Variants in AOAH observed in about 807,000 individuals in gnomAD.
AOAH encodes acyloxyacyl hydrolase, also known as acyloxyacyl hydrolase (neutrophil).
A neutral mutation model predicts 92.2 loss-of-function variants in AOAH; 64 were observed. That is an observed-to-expected ratio of 0.69 (90% CI 0.57 to 0.86). The LOEUF (loss-of-function observed/expected upper bound fraction) is 0.86. Ranked by LOEUF, AOAH falls within the 40% of genes least tolerant of loss-of-function variation. The pLI, the probability that AOAH is intolerant of heterozygous loss-of-function variation, is 0.00. For synonymous variants in AOAH, 263 were observed against 254.5 expected, an observed-to-expected ratio of 1.03 and a Z score of -0.32; for missense variants, 656 against 694.6, an observed-to-expected ratio of 0.94 and a Z score of 0.62.
rs565530461 is a variant in AOAH, at chr7:36,528,783, T to G, written c.1522+1635A>C. ...GCTAATAAAAAAAGATGTTTTGTTTTTAGAGATGGGGTCTTGCAATGTTGC... is the reference window on the plus strand; with the variant it reads ...GCTAATAAAAAAAGATGTTTTGTTTGTAGAGATGGGGTCTTGCAATGTTGC... On this transcript the variant is annotated intron_variant, in intron 19 of 20. Transcript: ENST00000617537. 5.6e-4 allele frequency among the ~76,000 whole-genome samples: 85 copies of G among 152,238 alleles called. No individual in the cohort carries two copies. In the South Asian group the frequency reaches 0.017, roughly 31 times the overall value.
At chr7:36,711,757 A>G (rs941615905) in intron 1 of AOAH, among the ~76,000 whole-genome samples, 4 of 152,142 alleles carry the variant, frequency 2.6e-5, no homozygotes, top group Non-Finnish European at 5.9e-5. Context: ...ATGAGGGTGG[A>G]ATGTGTGGTG....
chr7:36,555,261 G>A (rs1277696825), intron 13 of AOAH, among the ~76,000 whole-genome samples: 7 of 151,980 alleles, frequency 4.6e-5, no homozygotes, highest in African/African-American at 1.7e-4. Flanking sequence ...TTTTGTCTTT[G>A]GTTCTGTTTA....
chr7:36,592,147 G>T (rs1789788323), intron 12 of AOAH, among the ~76,000 whole-genome samples: 1 of 152,160 alleles, frequency 6.6e-6, no homozygotes, highest in Non-Finnish European at 1.5e-5. Context: ...TAAAAGCCTT[G>T]ATTGAGAGAA....
rs1302950838 is a variant in AOAH at position 36,637,922 on chromosome 7, A to T, written c.391-12T>A. ...AATTTCCATGTCTCCTATAAAAACAAAGTTAGAGAACATTACAACTCATGT... is the reference window on the plus strand; with the variant it reads ...AATTTCCATGTCTCCTATAAAAACATAGTTAGAGAACATTACAACTCATGT... On this transcript the variant is annotated splice_polypyrimidine_tract_variant and intron_variant, in intron 4 of 20. Coordinates refer to ENST00000617537, the MANE Select transcript of AOAH (RefSeq NM_001637.4). The T allele has an allele frequency of 1.9e-6, 3 of 1,602,712 alleles. No individual in the cohort carries two copies. The African/African-American group carries it at 4.0e-5, about 21-fold the overall frequency.
chr7:36,685,732 A>G (rs931937827), intron 2 of AOAH, among the ~76,000 whole-genome samples: 1 of 152,202 alleles, frequency 6.6e-6, no homozygotes, highest in African/African-American at 2.4e-5. Flanking sequence ...TTTTAACTTC[A>G]CAAAAGAAAG....
chr7:36,690,099 A>G (rs1015573950), intron 1 of AOAH: 10 of 442,476 alleles, frequency 2.3e-5, no homozygotes, highest in African/African-American at 1.4e-4. Flanking sequence ...GTACTTACAC[A>G]TATGGGCTTT....
intron 19 of AOAH, among the ~76,000 whole-genome samples, chr7:36,524,720 C>G (rs1220848273): frequency 6.6e-6 from 1 of 151,344 alleles, no homozygotes; most frequent in African/African-American, 2.4e-5. Flanking sequence ...TAAAATGCAC[C>G]CCAGAGGGCT....
chr7:36,678,550 AGTGTGTGTGTGTGTGTGTGTGT>A lies in AOAH; in HGVS notation c.224-4563_224-4542del, dbSNP rs529261307. On this transcript the variant is annotated intron_variant, in intron 2 of 20. Coordinates refer to ENST00000617537, the MANE Select transcript of AOAH (RefSeq NM_001637.4). The stretch of plus-strand genomic sequence containing the variant: ...TCATCTTCTTTCTGGTAAGATAAGC[AGTGTGTGTGTGTGTGTGTGTGT>A]GTGTGTGTGTGTGTGTGTGTGTGTG... 3.0e-3 allele frequency among the ~76,000 whole-genome samples: 362 copies of A among 118,936 alleles called. 6 individuals carry two copies. The highest frequency in any genetic ancestry group is 8.8e-3 in the African/African-American group (316 of 35,730). 78.0% of individuals were successfully genotyped at this position (118,936 alleles called of 152,430 possible). A position where few individuals can be genotyped will look rare whatever the true frequency, so the allele number is the denominator to read the frequency against.
chr7:36,522,264 G>A, intron 19 of AOAH, 149 bp from the exon 20 acceptor site: 3 of 635,300 alleles, frequency 4.7e-6, no homozygotes, highest in Non-Finnish European at 8.4e-6. Context: ...TGCACTGGGG[G>A]ATTTCTGAAC....
At chr7:36,691,830 T>C (rs1357360905) in intron 1 of AOAH, among the ~76,000 whole-genome samples, 4 of 152,202 alleles carry the variant, frequency 2.6e-5, no homozygotes, top group Non-Finnish European at 5.9e-5. Flanking sequence ...AGATTGTAAC[T>C]GAGTCCTCCA....
chr7:36,517,220 C>CTTTCTTTCTTTCTTTT (rs1562854015), intron 20 of AOAH, among the ~76,000 whole-genome samples: 1 of 54,170 alleles, frequency 1.8e-5, no homozygotes, highest in Non-Finnish European at 4.5e-5. Context: ...CTTTCTCTTT[C>CTTTCTTTCTTTCTTTT]TTTCTGTCTC....
At chr7:36,514,409 G>A (rs1790218008) in intron 20 of AOAH, 3 of 1,295,906 alleles carry the variant, frequency 2.3e-6, no homozygotes, top group Non-Finnish European at 3.2e-6. Context: ...TGAAGTGCCA[G>A]AGAGGAATCC....
chr7:36,692,255 C>T (rs949098441), intron 1 of AOAH, among the ~76,000 whole-genome samples: 7 of 152,206 alleles, frequency 4.6e-5, no homozygotes, highest in African/African-American at 1.7e-4. Flanking sequence ...CTACTAAGGC[C>T]ACCACAGGGA....
Position 36,647,164 on chromosome 7 carries a change from A to G in AOAH, c.391-9254T>C, listed in dbSNP as rs1794275890. On this transcript the variant is annotated intron_variant, in intron 4 of 20. Transcript: ENST00000617537. ...ACAGAAGATGCAGACATTAAATATT[A>G]ATTTTACAATTATCGAATTACAATT... Among the ~76,000 whole-genome samples, 3 of 152,224 alleles carry G rather than the reference A, an allele frequency of 2.0e-5. No individual in the cohort carries two copies. In the South Asian group the frequency reaches 6.2e-4, roughly 32 times the overall value.
chr7:36,616,306 C>A (rs1425125302), intron 11 of AOAH, 74 bp downstream of exon 11: 3 of 1,217,234 alleles, frequency 2.5e-6, no homozygotes, highest in Admixed American at 3.8e-5. Flanking sequence ...AGTTGGCATC[C>A]CATTTAGAGA....
chr7:36,566,969 T>C (rs941456427), intron 13 of AOAH, among the ~76,000 whole-genome samples: 1 of 152,062 alleles, frequency 6.6e-6, no homozygotes, highest in Admixed American at 6.6e-5. Flanking sequence ...CCACCAAGCC[T>C]GTCTAATTTT....
At chr7:36,571,982 T>G (rs544520741) in intron 13 of AOAH, among the ~76,000 whole-genome samples, 2 of 152,328 alleles carry the variant, frequency 1.3e-5, no homozygotes, top group East Asian at 3.9e-4. Flanking sequence ...ATTAATCTAT[T>G]GCACATTTTA....
chr7:36,517,816 G>A (rs1425477606), intron 20 of AOAH, among the ~76,000 whole-genome samples: 1 of 151,618 alleles, frequency 6.6e-6, no homozygotes, highest in Non-Finnish European at 1.5e-5. Flanking sequence ...GGCCAGGCTG[G>A]TCTCGAACTC....
intron 11 of AOAH, chr7:36,600,141 G>C (rs1790443209): frequency 6.6e-6 from 1 of 152,186 alleles, no homozygotes; most frequent in African/African-American, 2.4e-5. Flanking sequence ...TTATGTGCCA[G>C]GCACTGAGAC....
Sources: allele counts gnomAD v4.1 joint callset (sites outside exome capture counted in the v4.1 genomes callset), GRCh38; gene constraint gnomAD v4.1.1; transcripts MANE v1.5; gene names NCBI Gene and HGNC (gene_info 2026-07-23, HGNC 2026-07-21).